The following PARD3 variants were observed in gnomAD, a reference collection of about 807,000 sequenced individuals.
PARD3 encodes partitioning defective 3 homolog.
A neutral mutation model predicts 155.4 loss-of-function variants in PARD3; 75 were observed. That is an observed-to-expected ratio of 0.48 (90% CI 0.40 to 0.58). The LOEUF (loss-of-function observed/expected upper bound fraction) is 0.58, where lower values mean the gene tolerates loss of function less well. PARD3 is among the 20% of genes least tolerant of loss of function. The pLI, the probability that PARD3 is intolerant of heterozygous loss-of-function variation, is 0.00. For missense variants in PARD3, 1,642 were observed against 1,721.7 expected (o/e 0.95, Z 0.82); for synonymous variants, 576 against 610.5 (o/e 0.94, Z 0.83).
chr10:34,447,646 CA>C (rs201638307), intron 5 of PARD3, among the ~76,000 whole-genome samples: 8,023 of 148,264 alleles, frequency 0.054, 239 homozygotes, highest in African/African-American at 0.087. Flanking sequence ...ACTAAAAATA[CA>C]AAAAAAAATT....
chr10:34,384,373 A>G lies in PARD3; in HGVS notation c.891-119T>C. The G allele has an allele frequency of 3.2e-6, 3 of 929,462 alleles. No individual in the cohort carries two copies. The Admixed American group carries it at 7.1e-5, about 22-fold the overall frequency. The allele number at this position is 929,462 out of a possible 1,614,324, so 57.6% of individuals were successfully genotyped here. A position where few individuals can be genotyped will look rare whatever the true frequency, so the allele number is the denominator to read the frequency against. ...TGTCCTTACAAAGGAGCATGTTAAA[A>G]TGACTATTCATACATTTTTAAATGA... On this transcript the variant is annotated intron_variant, in intron 7 of 24. Transcript: ENST00000374788.
At chr10:34,432,143 T>A (rs2075967018) in intron 5 of PARD3, among the ~76,000 whole-genome samples, 1 of 151,258 alleles carries the variant, frequency 6.6e-6, no homozygotes, top group South Asian at 2.1e-4. Context: ...TAGGGAGTGT[T>A]TTGCATGCTT....
chr10:34,709,166 G>T (rs1459170520), intron 1 of PARD3, among the ~76,000 whole-genome samples: 1 of 151,862 alleles, frequency 6.6e-6, no homozygotes, highest in African/African-American at 2.4e-5. Context: ...TCGAAGATGG[G>T]ACCCAAATTT....
At chr10:34,494,417 C>T (rs1323936542) in intron 3 of PARD3, among the ~76,000 whole-genome samples, 4 of 152,164 alleles carry the variant, frequency 2.6e-5, no homozygotes, top group Non-Finnish European at 4.4e-5. Flanking sequence ...TATTCTTAAC[C>T]GTACTGGGAA....
intron 6 of PARD3, 45 bp downstream of exon 6, chr10:34,401,781 G>T: frequency 2.6e-6 from 3 of 1,167,166 alleles, no homozygotes; most frequent in Middle Eastern, 1.9e-4. Context: ...AATTAATGAT[G>T]CTACATGTAT....
intron 1 of PARD3, among the ~76,000 whole-genome samples, chr10:34,769,269 T>C (rs912074999): frequency 6.6e-6 from 1 of 152,124 alleles, no homozygotes; most frequent in African/African-American, 2.4e-5. Context: ...TAGGTCTGCC[T>C]ACCAACACCC....
chr10:34,349,444 T>G (rs3781133), intron 14 of PARD3, among the ~76,000 whole-genome samples: 1 of 151,920 alleles, frequency 6.6e-6, no homozygotes, highest in East Asian at 1.9e-4. Context: ...TTTCATTTGT[T>G]TTTTTTAAAA....
At chr10:34,572,439 A>C (rs2086493717) in intron 2 of PARD3, among the ~76,000 whole-genome samples, 1 of 152,118 alleles carries the variant, frequency 6.6e-6, no homozygotes, top group Non-Finnish European at 1.5e-5. Flanking sequence ...CAGGAGTTTA[A>C]GACCAGCCTG....
At chr10:34,587,145 A>T (rs2088148887) in intron 2 of PARD3, among the ~76,000 whole-genome samples, 1 of 152,090 alleles carries the variant, frequency 6.6e-6, no homozygotes, top group Non-Finnish European at 1.5e-5. Context: ...TTTGCTTGAG[A>T]CAGAGTCTCC....
chr10:34,456,865 C>T (rs1024358797), intron 4 of PARD3, among the ~76,000 whole-genome samples: 4 of 152,084 alleles, frequency 2.6e-5, no homozygotes, highest in African/African-American at 9.7e-5. Flanking sequence ...GATACATACT[C>T]AGTATCTTCT....
rs1403297500 is a variant in PARD3, at chr10:34,290,905, C to T, written c.3066-6660G>A. Among the ~76,000 whole-genome samples, 3 of 152,212 alleles carry T rather than the reference C, an allele frequency of 2.0e-5. No individual in the cohort carries two copies. The East Asian group carries it at 5.8e-4, about 29-fold the overall frequency. ...TCCTGTGTCATTCCTGTGTCTCAAT[C>T]CAGTTCTCTGCATAGTCCAGAGCAC... On this transcript the variant is annotated intron_variant, in intron 20 of 24. Transcript: ENST00000374788.
At chr10:34,710,789 T>C (rs540384919) in intron 1 of PARD3, among the ~76,000 whole-genome samples, 1 of 152,284 alleles carries the variant, frequency 6.6e-6, no homozygotes, top group East Asian at 1.9e-4. Flanking sequence ...GACCCTTATG[T>C]TTTTGTTTAT....
At chr10:34,616,697 T>A (rs1047323154) in intron 2 of PARD3, among the ~76,000 whole-genome samples, 60 of 152,098 alleles carry the variant, frequency 3.9e-4, no homozygotes, top group African/African-American at 1.3e-3. Context: ...CAGCACTTTT[T>A]GGGAGACCAA....
chr10:34,345,781 G>A (rs1428434684), intron 15 of PARD3: 58 of 985,178 alleles, frequency 5.9e-5, no homozygotes, highest in Non-Finnish European at 6.7e-5. Context: ...GCAAGGTAAC[G>A]TCTTGAACAG....
chr10:34,776,835 T>TGGGGGGGG (rs35834725), intron 1 of PARD3, among the ~76,000 whole-genome samples: 11 of 64,604 alleles, frequency 1.7e-4, no homozygotes, highest in Non-Finnish European at 2.3e-4. Flanking sequence ...TGTTTTTTTG[T>TGGGGGGGG]GGGGGGGGGG....
chr10:34,594,707 C>T (rs560069638), intron 2 of PARD3, among the ~76,000 whole-genome samples: 18 of 152,152 alleles, frequency 1.2e-4, no homozygotes, highest in Middle Eastern at 3.4e-3. Flanking sequence ...GGCTCATGCC[C>T]GTAGTCTCAG....
intron 2 of PARD3, among the ~76,000 whole-genome samples, chr10:34,694,512 CCAGGTTGGAGTG>C (rs1472009814): frequency 1.4e-5 from 2 of 145,296 alleles, no homozygotes; most frequent in East Asian, 4.0e-4. Flanking sequence ...GCTCTGTTGC[CCAGGTTGGAGTG>C]CAGTGGTGTG....
At chr10:34,123,742 T>C (rs1369721518) in intron 23 of PARD3, among the ~76,000 whole-genome samples, 1 of 152,184 alleles carries the variant, frequency 6.6e-6, no homozygotes, top group African/African-American at 2.4e-5. Flanking sequence ...CGGTGTTTTA[T>C]GAATTAAGTC....
chr10:34,199,149 C>T (rs955857171), intron 22 of PARD3, among the ~76,000 whole-genome samples: 16 of 152,124 alleles, frequency 1.1e-4, no homozygotes, highest in African/African-American at 3.4e-4. Flanking sequence ...CCAATCAGAT[C>T]GTGCCTCCCA....
Sources: allele counts gnomAD v4.1 joint callset (sites outside exome capture counted in the v4.1 genomes callset), GRCh38; gene constraint gnomAD v4.1.1; transcripts MANE v1.5; gene names NCBI Gene and HGNC (gene_info 2026-07-23, HGNC 2026-07-21).